The following BAZ2A variants were observed in gnomAD, a reference collection of about 807,000 sequenced individuals.
BAZ2A encodes bromodomain adjacent to zinc finger domain protein 2A.
Under a neutral mutation model 199.9 loss-of-function variants are expected in BAZ2A, and 34 were observed. The observed-to-expected ratio is 0.17, with a 90% confidence interval of 0.13 to 0.23. The LOEUF (loss-of-function observed/expected upper bound fraction) is 0.23, where lower values mean the gene tolerates loss of function less well. Among genes scored for constraint, BAZ2A ranks in the 10% least tolerant of loss-of-function variants. BAZ2A has a pLI of 1.00. For missense variants in BAZ2A, 2,002 were observed against 2,391.1 expected (o/e 0.84, Z 3.39); for synonymous variants, 857 against 883.9 (o/e 0.97, Z 0.54).
chr12:56,600,859 G>C (rs577492425), intron 22 of BAZ2A, 27 bp from the exon 23 acceptor site: 2 of 1,612,210 alleles, frequency 1.2e-6, no homozygotes, highest in Admixed American at 1.7e-5. Context: ...CAGAGGGAGA[G>C]GCCCATCAGG....
intron 1 of BAZ2A, among the ~76,000 whole-genome samples, chr12:56,626,912 G>A (rs934266672): frequency 4.6e-5 from 7 of 152,152 alleles, no homozygotes; most frequent in Non-Finnish European, 8.8e-5. Context: ...CTAATCAGGG[G>A]CAAGAAAAAG....
rs1237228458 is a variant in BAZ2A, at chr12:56,611,886, G to A, written c.1496C>T (p.Pro499Leu). The A allele has an allele frequency of 1.2e-6, 2 of 1,606,670 alleles. No homozygotes were observed. Among genetic ancestry groups the A allele is most frequent in the African/African-American group, 1.3e-5 (1 of 74,796 alleles). ...GGAGGCTGTTGGAAAGGCAGCTGCTGGGGAAGTTACGGGAGAGGCTTTTGG... is the reference window on the plus strand; with the variant it reads ...GGAGGCTGTTGGAAAGGCAGCTGCTAGGGAAGTTACGGGAGAGGCTTTTGG... The part of the protein sequence containing the change: ...TSPKASPVTS[P>L]AAAFPTASPA... Residue 499 changes from proline to leucine, a missense_variant, in exon 6 of 29, where the codon CCA (proline) becomes CTA (leucine). Physicochemically the swap from Pro to Leu is moderately conservative, Grantham distance 98 (BLOSUM62 -3). Coordinates refer to ENST00000549884, the MANE Select transcript of BAZ2A (RefSeq NM_001300905.2).
chr12:56,612,158 C>G lies in BAZ2A; in HGVS notation c.1224G>C (p.Gln408His). The change falls in exon 6 of 29, where the codon CAG becomes CAC. Residue 408 changes from glutamine to histidine, a missense_variant. Physicochemically the swap from Gln to His is conservative, Grantham distance 24. This residue lies in a region of BAZ2A where 641 missense variants were observed against 694.5 expected (regional missense o/e 0.92). Coordinates refer to ENST00000549884, the MANE Select transcript of BAZ2A (RefSeq NM_001300905.2). ...TAGTGGATGACTGATCAGGAGCTGG[C>G]TGGGTCAGGGATGGTGGGAAGTCTG... is the stretch of plus-strand genomic sequence containing the variant. The part of the protein sequence containing the change: ...QSSDFPPSLT[Q>H]PAPDQSSTIQ... 1 of 1,613,808 alleles carries G rather than the reference C, an allele frequency of 6.2e-7. No homozygotes were observed. The highest frequency in any genetic ancestry group is 1.1e-5 in the South Asian group (1 of 91,062).
At chr12:56,631,365 C>G (rs1951306183), upstream of BAZ2A, among the ~76,000 whole-genome samples, 1 of 150,330 alleles carries the variant, frequency 6.7e-6, no homozygotes, top group South Asian at 2.1e-4. Context: ...GCAAGAGAAT[C>G]GCTTGAACCT....
chr12:56,636,459 G>C, upstream of BAZ2A: 1 of 1,085,518 alleles, frequency 9.2e-7, no homozygotes, highest in African/African-American at 1.6e-5. Flanking sequence ...CAGACCAGGA[G>C]AAATATGGAG....
chr12:56,624,815 C>T (rs1403581331), intron 1 of BAZ2A, among the ~76,000 whole-genome samples: 3 of 151,996 alleles, frequency 2.0e-5, no homozygotes, highest in African/African-American at 4.8e-5. Flanking sequence ...CCAGGTTCTC[C>T]GGAGGCTGAG....
Position 56,606,303 on chromosome 12 carries a change from T to G in BAZ2A, c.2203A>C (p.Lys735Gln). 6.2e-7 allele frequency: 1 copy of G among 1,614,022 alleles called. No individual in the cohort carries two copies. Among genetic ancestry groups the G allele is most frequent in the Non-Finnish European group, 8.5e-7 (1 of 1,179,894 alleles). ...QTTIQGQARN[K>Q]RKQETKSLKQ... Reference sequence around the variant, plus strand: ...AAGCTCTTGGTCTCTTGTTTCCGCTTATTTCTGGCCTGTAAACCATAAGGG... The same window carrying G: ...AAGCTCTTGGTCTCTTGTTTCCGCTGATTTCTGGCCTGTAAACCATAAGGG... Residue 735 changes from lysine (K) to glutamine (Q), a missense_variant, in exon 12 of 29, where the codon AAG (lysine) becomes CAG (glutamine). Physicochemically the swap from Lys to Gln is moderately conservative, Grantham distance 53. Around this residue, in one of 6 missense-constraint regions of BAZ2A, gnomAD observed 1,081 missense variants for 1,274.7 expected, o/e 0.85. Coordinates refer to ENST00000549884, the MANE Select transcript of BAZ2A (RefSeq NM_001300905.2).
Position 56,603,035 on chromosome 12 carries a change from G to A in BAZ2A, c.3280-178C>T, listed in dbSNP as rs372257991. 8.5e-5 allele frequency among the ~76,000 whole-genome samples: 13 copies of A among 152,348 alleles called. No individual in the cohort carries two copies. The South Asian group carries it at 1.0e-3, about 12-fold the overall frequency. Reference sequence around the variant, plus strand: ...GCGGTGGCTCACGCCTGTAATCCCAGCACTTTGGGAGGCCAAGGCAGGTGG... The same window carrying A: ...GCGGTGGCTCACGCCTGTAATCCCAACACTTTGGGAGGCCAAGGCAGGTGG... On this transcript the variant is annotated intron_variant, in intron 18 of 28. Transcript: ENST00000549884.
At chr12:56,634,670 G>A (rs1951403674), upstream of BAZ2A, among the ~76,000 whole-genome samples, 1 of 152,010 alleles carries the variant, frequency 6.6e-6, no homozygotes, top group Non-Finnish European at 1.5e-5. Context: ...AGATTTTTCT[G>A]GCGAAGAAGG....
rs1886034461 is a variant in BAZ2A at position 56,598,279 on chromosome 12, G to A, written c.*339C>T. On this transcript the variant is annotated 3_prime_UTR_variant, in exon 29 of 29. Transcript: ENST00000549884. ...GAATGCTGGGGCACGTACAGGGGAGGAGAGGAAGCAGGGAGGAGGAAGTAG... is the reference window on the plus strand; with the variant it reads ...GAATGCTGGGGCACGTACAGGGGAGAAGAGGAAGCAGGGAGGAGGAAGTAG... 1 of 283,498 alleles carries A rather than the reference G, an allele frequency of 3.5e-6. No individual in the cohort carries two copies. The highest frequency in any genetic ancestry group is 3.9e-5 in the South Asian group (1 of 25,740). The allele number at this position is 283,498 out of a possible 1,614,324, so 17.6% of individuals were successfully genotyped here.
At position 56,597,595 on chromosome 12, in the gene BAZ2A, A is replaced by G; in HGVS notation, c.*1023T>C. The G allele has an allele frequency of 2.0e-5, 1 of 50,044 alleles. No homozygotes were observed. The highest frequency in any genetic ancestry group is 4.5e-5 in the Non-Finnish European group (1 of 22,178). The allele number at this position is 50,044 out of a possible 1,614,324, so 3.1% of individuals were successfully genotyped here. Reference sequence around the variant, plus strand: ...ACACACACACACAGCGCGCGCTCTGAGGCTGACACACACACACACACACAC... The same window carrying G: ...ACACACACACACAGCGCGCGCTCTGGGGCTGACACACACACACACACACAC... On this transcript the variant is annotated 3_prime_UTR_variant, in exon 29 of 29. Coordinates refer to ENST00000549884, the MANE Select transcript of BAZ2A (RefSeq NM_001300905.2).
In BAZ2A at chr12:56,605,341, AG is replaced by A; in HGVS notation, c.2494-15del. 3 of 1,596,598 alleles carry A rather than the reference AG, an allele frequency of 1.9e-6. No individual in the cohort carries two copies. The highest frequency in any genetic ancestry group is 1.7e-6 in the Non-Finnish European group (2 of 1,167,404). On this transcript the variant is annotated splice_polypyrimidine_tract_variant and intron_variant, in intron 13 of 28. Transcript: ENST00000549884. The stretch of plus-strand genomic sequence containing the variant: ...GTCAGGCAGGGGCTAGAGAGAGAAA[AG>A]TGAGTAGAGAGTTCTGTTAAACATA...
chr12:56,601,082 C>A lies in BAZ2A; in HGVS notation c.4311G>T (p.Trp1437Cys), dbSNP rs1334056000. 1.2e-6 allele frequency: 2 copies of A among 1,612,932 alleles called. No individual in the cohort carries two copies. Among genetic ancestry groups the A allele is most frequent in the Non-Finnish European group, 8.5e-7 (1 of 1,179,498 alleles). The change falls in exon 22 of 29, where the codon TGG becomes TGT. Residue 1437 changes from tryptophan to cysteine, a missense_variant. This residue lies in a region of BAZ2A where 1,081 missense variants were observed against 1,274.7 expected (regional missense o/e 0.85). Coordinates refer to ENST00000549884, the MANE Select transcript of BAZ2A (RefSeq NM_001300905.2). Reference sequence around the variant, plus strand: ...ACATCTCAGGATCTCGTATCCACCACCAGCCTGAGCACATCTCTGTGAGCA... The same window carrying A: ...ACATCTCAGGATCTCGTATCCACCAACAGCCTGAGCACATCTCTGTGAGCA... ...QPVPPEMCSG[W>C]WWIRDPEMLD...
intron 10 of BAZ2A, among the ~76,000 whole-genome samples, chr12:56,609,205 GCT>G (rs1200644705): frequency 1.3e-5 from 2 of 151,778 alleles, no homozygotes; most frequent in Admixed American, 1.3e-4. Context: ...ACAGGGCCTT[GCT>G]CTGTTGCCCA....
In BAZ2A at chr12:56,630,191, C is replaced by T. The variant is rs553609889; in HGVS notation, c.-69G>A. 2.3e-3 allele frequency: 2,286 copies of T among 985,612 alleles called. 6 individuals are homozygous for T. The highest frequency in any genetic ancestry group is 4.6e-3 in the Admixed American group (75 of 16,296). 61.1% of individuals were successfully genotyped at this position (985,612 alleles called of 1,614,324 possible). ...CCCGGGGTACAAGCGGTTCACATGG[C>T]CGCGCTCCGGGCGCCAGAACGGGTG... On this transcript the variant is annotated 5_prime_UTR_variant, in exon 1 of 29. Coordinates refer to ENST00000549884, the MANE Select transcript of BAZ2A (RefSeq NM_001300905.2).
At chr12:56,619,026 T>C (rs560683532) in intron 1 of BAZ2A, among the ~76,000 whole-genome samples, 1 of 151,352 alleles carries the variant, frequency 6.6e-6, no homozygotes, top group Admixed American at 6.6e-5. Context: ...CGAGAACCGA[T>C]CTCTACAAAA....
chr12:56,605,493 C>T (rs1381109282), intron 13 of BAZ2A, 166 bp from the exon 14 acceptor site: 16 of 770,722 alleles, frequency 2.1e-5, no homozygotes, highest in Middle Eastern at 3.9e-4. Context: ...ATGATCTCTG[C>T]TTACTGCAGC....
chr12:56,629,039 A>G (rs1407424134), intron 1 of BAZ2A, among the ~76,000 whole-genome samples: 1 of 152,162 alleles, frequency 6.6e-6, no homozygotes, highest in African/African-American at 2.4e-5. Flanking sequence ...AAAAAAAAAA[A>G]GTCCAACGAA....
upstream of BAZ2A, among the ~76,000 whole-genome samples, chr12:56,634,468 T>C (rs193233180): frequency 6.6e-6 from 1 of 152,028 alleles, no homozygotes; most frequent in Non-Finnish European, 1.5e-5. Context: ...ACAGAAAAGG[T>C]TTAGATGGGA....
Sources: allele counts gnomAD v4.1 joint callset (sites outside exome capture counted in the v4.1 genomes callset), GRCh38; gene constraint gnomAD v4.1.1; regional missense constraint gnomAD v4.1.1; transcripts MANE v1.5; gene names NCBI Gene and HGNC (gene_info 2026-07-23, HGNC 2026-07-21).